The following UBE2Q1 variants were observed in gnomAD, a reference collection of about 807,000 sequenced individuals.
The protein encoded by UBE2Q1 is ubiquitin-conjugating enzyme E2 Q1.
Under a neutral mutation model 60.1 loss-of-function variants are expected in UBE2Q1, and 6 were observed. The observed-to-expected ratio is 0.10, with a 90% CI of 0.05 to 0.20. UBE2Q1 has a LOEUF of 0.20. Ranked by LOEUF, UBE2Q1 falls within the 10% of genes least tolerant of loss-of-function variation. UBE2Q1 has a pLI of 1.00. For synonymous variants in UBE2Q1, 226 were observed against 208.3 expected (o/e 1.09, Z -0.73); for missense variants, 262 against 525.8 (o/e 0.50, Z 4.91).
Position 154,550,910 on chromosome 1 carries a change from ATCTCCTGAGTCCT to A in UBE2Q1, c.1237+15_1237+27del. 1 of 1,613,988 alleles carries A rather than the reference ATCTCCTGAGTCCT, an allele frequency of 6.2e-7. No homozygotes were observed. The highest frequency in any genetic ancestry group is 2.2e-5 in the East Asian group (1 of 44,866). ...AAACCTGGGTGTGGCAAGTGTCCGA[ATCTCCTGAGTCCT>A]GGCTCCAGCCTCACCGTTTTTTTCG... On this transcript the variant is annotated intron_variant, in intron 12 of 12. Coordinates refer to ENST00000292211, the MANE Select transcript of UBE2Q1 (RefSeq NM_017582.7).
intron 4 of UBE2Q1, among the ~76,000 whole-genome samples, chr1:154,554,282 G>A (rs1695845004): frequency 6.6e-6 from 1 of 151,632 alleles, no homozygotes; most frequent in Admixed American, 6.5e-5. Context: ...TATTCTGTAT[G>A]TTTTTAGAGA....
chr1:154,557,796 A>G (rs1695918471), intron 1 of UBE2Q1, among the ~76,000 whole-genome samples: 1 of 152,160 alleles, frequency 6.6e-6, no homozygotes, highest in Non-Finnish European at 1.5e-5. Context: ...GGTACTACTG[A>G]GAAGGGGGCA....
intron 1 of UBE2Q1, among the ~76,000 whole-genome samples, chr1:154,556,854 A>C (rs1429054982): frequency 6.6e-6 from 1 of 152,220 alleles, no homozygotes; most frequent in Non-Finnish European, 1.5e-5. Context: ...AAGGAATTAG[A>C]AGCTTAATTC....
intron 5 of UBE2Q1, 72 bp downstream of exon 5, chr1:154,552,960 A>G: frequency 6.2e-7 from 1 of 1,601,784 alleles, no homozygotes; most frequent in Admixed American, 1.7e-5. Flanking sequence ...CCATACTGAG[A>G]TGCGATGGCC....
At position 154,555,500 on chromosome 1, in the gene UBE2Q1, G is replaced by A. The variant is rs1695867051; in HGVS notation, c.465C>T (p.Asp155=). ...GAGGGAGGTTATAGAGTTTACACAG[G>A]TCGGAGATGATCCTCTTCAGATGCT... is the stretch of plus-strand genomic sequence containing the variant. The part of the protein sequence containing the change: ...LLQHLKRIIS[D]LCKLYNLPQH... The change falls in exon 3 of 13, where the codon GAC becomes GAT. Residue 155 remains aspartate, a synonymous_variant. Coordinates refer to ENST00000292211, the MANE Select transcript of UBE2Q1 (RefSeq NM_017582.7). 5.6e-6 allele frequency: 9 copies of A among 1,614,036 alleles called. No individual in the cohort carries two copies. The highest frequency in any genetic ancestry group is 7.6e-6 in the Non-Finnish European group (9 of 1,180,036).
intron 11 of UBE2Q1, 111 bp downstream of exon 11, chr1:154,551,286 G>A: frequency 8.5e-7 from 1 of 1,179,594 alleles, no homozygotes; most frequent in South Asian, 1.4e-5. Context: ...AATGCCACCA[G>A]CCCGGGGGCC....
intron 3 of UBE2Q1, 27 bp from the exon 4 acceptor site, chr1:154,554,812 AT>A: frequency 1.2e-6 from 2 of 1,611,468 alleles, no homozygotes; most frequent in Non-Finnish European, 8.5e-7. Context: ...AAAGATGGAG[AT>A]CAGAGCCCCA....
chr1:154,552,483 CAG>C lies in UBE2Q1; in HGVS notation c.815-21_815-20del. On this transcript the variant is annotated intron_variant, in intron 6 of 12. Transcript: ENST00000292211. ...TAGTTTCCTGGAAGGAGGGAAAAAA[CAG>C]GTGTTAGTAGAATGGTCCAGGTGGT... is the stretch of plus-strand genomic sequence containing the variant. The C allele has an allele frequency of 6.2e-7, 1 of 1,614,004 alleles. No individual in the cohort carries two copies. Among genetic ancestry groups the C allele is most frequent in the Non-Finnish European group, 8.5e-7 (1 of 1,179,920 alleles).
intron 5 of UBE2Q1, 102 bp downstream of exon 5, chr1:154,552,930 A>G (rs1321932547): frequency 6.3e-7 from 1 of 1,587,894 alleles, no homozygotes; most frequent in African/African-American, 1.4e-5. Flanking sequence ...AGGATTAGGC[A>G]CAAAAAAGGA....
intron 1 of UBE2Q1, among the ~76,000 whole-genome samples, chr1:154,556,236 T>C (rs1342039833): frequency 5.9e-5 from 9 of 152,118 alleles, no homozygotes; most frequent in African/African-American, 9.7e-5. Context: ...CCAGGAAACC[T>C]AGCACAGCCA....
At position 154,558,644 on chromosome 1, in the gene UBE2Q1, G is replaced by GCCT; in HGVS notation, c.-92_-91insAGG. The stretch of plus-strand genomic sequence containing the variant: ...CGCCGCCGCCGCCGCCGCCGCCGCC[G>GCCT]CCGCGGTCCGCACTTCCTGATCCCC... On this transcript the variant is annotated 5_prime_UTR_variant, in exon 1 of 13. Transcript: ENST00000292211. 1.0e-6 allele frequency: 1 copy of GCCT among 989,280 alleles called. No individual in the cohort carries two copies. Among genetic ancestry groups the GCCT allele is most frequent in the Non-Finnish European group, 1.2e-6 (1 of 835,146 alleles). The allele number at this position is 989,280 out of a possible 1,614,324, so 61.3% of individuals were successfully genotyped here. A position where few individuals can be genotyped will look rare whatever the true frequency, so the allele number is the denominator to read the frequency against.
At position 154,558,614 on chromosome 1, in the gene UBE2Q1, TCCGCCGCCGCCGCCG is replaced by T. The variant is rs368389808; in HGVS notation, c.-76_-62del. The T allele has an allele frequency of 9.3e-5, 85 of 916,052 alleles. No homozygotes were observed. The highest frequency in any genetic ancestry group is 1.4e-4 in the South Asian group (3 of 20,708). The allele number at this position is 916,052 out of a possible 1,614,324, so 56.7% of individuals were successfully genotyped here. On this transcript the variant is annotated 5_prime_UTR_variant, in exon 1 of 13. Transcript: ENST00000292211. ...GGAGCCTCCGGCCTGCGCTCCGGGC[TCCGCCGCCGCCGCCG>T]CCGCCGCCGCCGCCGCCGCGGTCCG...
intron 6 of UBE2Q1, 102 bp from the exon 7 acceptor site, chr1:154,552,566 C>A: frequency 6.7e-7 from 1 of 1,490,120 alleles, no homozygotes; most frequent in Non-Finnish European, 9.2e-7. Flanking sequence ...ATCAACAGCT[C>A]TAGGTTCACC....
At chr1:154,552,006 G>C in intron 8 of UBE2Q1, 27 bp from the exon 9 acceptor site, 3 of 1,614,138 alleles carry the variant, frequency 1.9e-6, no homozygotes, top group Non-Finnish European at 2.5e-6. Context: ...CGACAATCAG[G>C]GGAGGGAGGC....
At chr1:154,553,993 G>T (rs771778228) in intron 4 of UBE2Q1, among the ~76,000 whole-genome samples, 15 of 152,324 alleles carry the variant, frequency 9.8e-5, no homozygotes, top group Middle Eastern at 3.4e-3. Context: ...TAATCAGAGT[G>T]ATCTCCCCAT....
chr1:154,554,586 A>T, intron 4 of UBE2Q1, 149 bp downstream of exon 4: 1 of 823,888 alleles, frequency 1.2e-6, no homozygotes, highest in Non-Finnish European at 1.9e-6. Context: ...CTCCTCTACT[A>T]CACTGGCTAT....
In UBE2Q1 at chr1:154,550,422, G is replaced by C. The variant is rs1276569088; in HGVS notation, c.*16C>G. 1 of 1,614,160 alleles carries C rather than the reference G, an allele frequency of 6.2e-7. No homozygotes were observed. The highest frequency in any genetic ancestry group is 1.1e-5 in the South Asian group (1 of 91,086). The stretch of plus-strand genomic sequence containing the variant: ...CCAGTGGTGCCTGGGGAGGGAGGAA[G>C]GGTGATACTCCAGGGTTAGCCGTCT... On this transcript the variant is annotated 3_prime_UTR_variant, in exon 13 of 13. Transcript: ENST00000292211.
rs780408010 is a variant in UBE2Q1, at chr1:154,551,014, G to A, written c.1171-10C>T. On this transcript the variant is annotated splice_polypyrimidine_tract_variant and intron_variant, in intron 11 of 12. Transcript: ENST00000292211. The stretch of plus-strand genomic sequence containing the variant: ...TCAGACTGTATTGAGACTGGGGAGA[G>A]GAAGCCACCAGATCAGGCCATGGCT... The A allele has an allele frequency of 1.9e-6, 3 of 1,614,068 alleles. No homozygotes were observed. The highest frequency in any genetic ancestry group is 1.1e-5 in the South Asian group (1 of 91,074).
chr1:154,556,814 G>T (rs1376529743), intron 1 of UBE2Q1, among the ~76,000 whole-genome samples: 1 of 152,190 alleles, frequency 6.6e-6, no homozygotes, highest in African/African-American at 2.4e-5. Context: ...GCAACAGAAA[G>T]AGCAGCTGGA....
Sources: gnomAD v4.1 joint callset for allele counts (sites outside exome capture counted in the v4.1 genomes callset) on GRCh38, gnomAD v4.1.1 for gene constraint, MANE v1.5 for transcripts, NCBI Gene and HGNC (gene_info 2026-07-23, HGNC 2026-07-21) for gene names.